HECW1: variants seen among roughly 807,000 people sequenced by gnomAD.
HECW1 encodes HECT, C2 and WW domain containing E3 ubiquitin protein ligase 1.
In HECW1, 61 loss-of-function variants were observed where a neutral mutation model predicts 182.3. That is an observed-to-expected ratio of 0.33 (90% CI 0.27 to 0.41). The LOEUF (loss-of-function observed/expected upper bound fraction) is 0.41, where lower values mean the gene tolerates loss of function less well. Among genes scored for constraint, HECW1 ranks in the 10% least tolerant of loss-of-function variants. The pLI is 1.00. For missense variants in HECW1, 1,739 were observed against 2,108.9 expected, an observed-to-expected ratio of 0.82 and a Z score of 3.44; for synonymous variants, 859 against 832.6, an observed-to-expected ratio of 1.03 and a Z score of -0.55.
chr7:43,258,078 G>A (rs1255434952), intron 3 of HECW1, among the ~76,000 whole-genome samples: 2 of 152,118 alleles, frequency 1.3e-5, no homozygotes, highest in African/African-American at 2.4e-5. Flanking sequence ...GGTGGCTCAC[G>A]CCTGTAATCT....
intron 29 of HECW1, among the ~76,000 whole-genome samples, chr7:43,559,305 G>A (rs576378603): frequency 2.0e-5 from 3 of 152,108 alleles, no homozygotes; most frequent in Non-Finnish European, 4.4e-5. Context: ...TTAAAGACCC[G>A]TGCAGATCTC....
At chr7:43,292,841 C>T (rs1805568730) in intron 3 of HECW1, among the ~76,000 whole-genome samples, 1 of 152,146 alleles carries the variant, frequency 6.6e-6, no homozygotes, top group African/African-American at 2.4e-5. Flanking sequence ...GTTGTGACTG[C>T]AAGTTGTCCA....
At chr7:43,180,631 G>A (rs893892111) in intron 2 of HECW1, among the ~76,000 whole-genome samples, 9 of 152,292 alleles carry the variant, frequency 5.9e-5, no homozygotes, top group East Asian at 1.9e-4. Context: ...TCCTGACCTC[G>A]TGATCCACCC....
At chr7:43,188,463 A>C (rs1793612727) in intron 2 of HECW1, among the ~76,000 whole-genome samples, 1 of 152,140 alleles carries the variant, frequency 6.6e-6, no homozygotes, top group African/African-American at 2.4e-5. Context: ...CTAACTCCTG[A>C]CAGATGGTGT....
intron 3 of HECW1, among the ~76,000 whole-genome samples, chr7:43,284,453 G>C (rs1348739493): frequency 7.2e-6 from 1 of 139,548 alleles, no homozygotes; most frequent in Admixed American, 7.7e-5. Flanking sequence ...GATGGCTTGA[G>C]CCCAGGAGTT....
At chr7:43,456,984 G>A (rs1247719956) in intron 13 of HECW1, among the ~76,000 whole-genome samples, 3 of 152,134 alleles carry the variant, frequency 2.0e-5, no homozygotes, top group Admixed American at 2.0e-4. Flanking sequence ...ATTGATATAT[G>A]CCCATCAATA....
At chr7:43,317,353 C>G (rs748828786) in intron 4 of HECW1, among the ~76,000 whole-genome samples, 29 of 152,358 alleles carry the variant, frequency 1.9e-4, no homozygotes, top group Middle Eastern at 3.4e-3. Context: ...ATTGCAGTGA[C>G]TGTACTGAGT....
intron 8 of HECW1, among the ~76,000 whole-genome samples, chr7:43,435,850 A>G (rs139893715): frequency 4.6e-5 from 7 of 152,326 alleles, no homozygotes; most frequent in African/African-American, 1.7e-4. Context: ...TAATCTCTGT[A>G]AATAGAAATC....
intron 19 of HECW1, among the ~76,000 whole-genome samples, chr7:43,500,046 C>T (rs2079277662): frequency 6.6e-6 from 1 of 152,100 alleles, no homozygotes; most frequent in South Asian, 2.1e-4. Flanking sequence ...GAGACACTCA[C>T]CCCGCAACTC....
chr7:43,120,308 C>T (rs140589297), intron 2 of HECW1, among the ~76,000 whole-genome samples: 4 of 152,240 alleles, frequency 2.6e-5, no homozygotes, highest in Admixed American at 2.6e-4. Flanking sequence ...GATATCACAC[C>T]CTCAGAAAGG....
intron 8 of HECW1, among the ~76,000 whole-genome samples, chr7:43,419,181 G>A (rs993284566): frequency 6.6e-6 from 1 of 152,074 alleles, no homozygotes; most frequent in Non-Finnish European, 1.5e-5. Flanking sequence ...TTCTTTGCCT[G>A]GTTCATCCAG....
rs539033778 is a variant in HECW1, at chr7:43,313,666, T to C, written c.352+1579T>C. Among the ~76,000 whole-genome samples, 245 of 152,352 alleles carry C rather than the reference T, an allele frequency of 1.6e-3. 1 individual carries two copies. The highest frequency in any genetic ancestry group is 2.5e-3 in the Non-Finnish European group (167 of 68,030). On this transcript the variant is annotated intron_variant, in intron 4 of 29. Transcript: ENST00000395891. ...ATTTTGTTTCATTTACATTGTTTTG[T>C]TTTAAATTTGATTGATTATCCACAC... is the stretch of plus-strand genomic sequence containing the variant.
intron 2 of HECW1, among the ~76,000 whole-genome samples, chr7:43,127,862 C>A (rs1278459867): frequency 1.3e-5 from 2 of 151,136 alleles, no homozygotes; most frequent in Non-Finnish European, 2.9e-5. Context: ...ATGAAGGTGG[C>A]TACATTAAAA....
intron 5 of HECW1, among the ~76,000 whole-genome samples, chr7:43,337,003 A>G (rs184332596): frequency 1.3e-5 from 2 of 152,330 alleles, no homozygotes; most frequent in African/African-American, 4.8e-5. Flanking sequence ...TGCAATAAAC[A>G]TAGGAGTGCA....
At chr7:43,483,914 A>G (rs1350231561) in intron 17 of HECW1, among the ~76,000 whole-genome samples, 1 of 152,158 alleles carries the variant, frequency 6.6e-6, no homozygotes, top group Non-Finnish European at 1.5e-5. Flanking sequence ...GCAAAGAGCT[A>G]TTCGAGAGAG....
intron 6 of HECW1, among the ~76,000 whole-genome samples, chr7:43,385,214 TCCCCA>T (rs1309492554): frequency 4.2e-4 from 2 of 4,756 alleles, no homozygotes; most frequent in African/African-American, 8.9e-4. Context: ...CCCTCCCCTC[TCCCCA>T]CCCCTCCCCT....
At chr7:43,189,381 G>C (rs796405776) in intron 2 of HECW1, among the ~76,000 whole-genome samples, 9 of 141,538 alleles carry the variant, frequency 6.4e-5, no homozygotes, top group African/African-American at 2.4e-4. Context: ...GACATTGCTG[G>C]TCCACAGATT....
At position 43,444,890 on chromosome 7, in the gene HECW1, C is replaced by T. The variant is rs778369109; in HGVS notation, c.1718C>T (p.Ala573Val). 6.2e-7 allele frequency: 1 copy of T among 1,605,642 alleles called. No individual in the cohort carries two copies. The highest frequency in any genetic ancestry group is 8.5e-7 in the Non-Finnish European group (1 of 1,174,836). The stretch of plus-strand genomic sequence containing the variant: ...ACCCTGCTGCACAGCATGCCCTCCG[C>T]CCAGGGCGGCAGCGCGGCAGAGGAG... ...IHTLLHSMPSAQGGSAAEEED... is the reference protein window; with the variant it reads ...IHTLLHSMPSVQGGSAAEEED... The change falls in exon 11 of 30, where the codon GCC becomes GTC. Residue 573 changes from alanine (A) to valine (V), a missense_variant. Around this residue, in one of 5 missense-constraint regions of HECW1, gnomAD observed 971 missense variants for 1,029.1 expected, o/e 0.94. Transcript: ENST00000395891. The surrounding 1 kb of genome is among the most constrained non-coding windows in gnomAD (Gnocchi z 4.3).
intron 3 of HECW1, among the ~76,000 whole-genome samples, chr7:43,254,212 C>T (rs1353499780): frequency 6.6e-6 from 1 of 152,166 alleles, no homozygotes; most frequent in African/African-American, 2.4e-5. Flanking sequence ...GTCTTATCGT[C>T]AGGTCTTTTC....
Sources: allele counts gnomAD v4.1 joint callset (sites outside exome capture counted in the v4.1 genomes callset), GRCh38; gene constraint gnomAD v4.1.1; regional missense constraint gnomAD v4.1.1; non-coding constraint Gnocchi (gnomAD v3.1); transcripts MANE v1.5; gene names NCBI Gene and HGNC (gene_info 2026-07-23, HGNC 2026-07-21).